SSBP3: variants seen among roughly 807,000 people sequenced by gnomAD.
SSBP3 encodes the protein single stranded DNA binding protein 3, also known as single-stranded DNA-binding protein 3.
In SSBP3, 5 loss-of-function variants were observed where a neutral mutation model predicts 69.6. That is an observed-to-expected ratio of 0.07 (90% confidence interval 0.04 to 0.15). SSBP3 has a LOEUF of 0.15. Among genes scored for constraint, SSBP3 ranks in the 10% least tolerant of loss-of-function variants. The pLI is 1.00. For synonymous variants in SSBP3, 196 were observed against 193.4 expected (o/e 1.01, Z -0.11); for missense variants, 312 against 534.0 (o/e 0.58, Z 4.10).
At chr1:54,307,345 C>G (rs1334687064) in intron 4 of SSBP3, among the ~76,000 whole-genome samples, 1 of 152,188 alleles carries the variant, frequency 6.6e-6, no homozygotes, top group Non-Finnish European at 1.5e-5. Context: ...CACTCCCAGG[C>G]ACCCCCTGAT....
intron 3 of SSBP3, among the ~76,000 whole-genome samples, chr1:54,402,833 G>C (rs1384726230): frequency 6.6e-6 from 1 of 152,156 alleles, no homozygotes; most frequent in Non-Finnish European, 1.5e-5. Context: ...TTCAAACACG[G>C]AGTTGTCAGT....
chr1:54,228,438 T>G lies in SSBP3; in HGVS notation c.1035+11A>C. 1 of 1,614,136 alleles carries G rather than the reference T, an allele frequency of 6.2e-7. No individual in the cohort carries two copies. The highest frequency in any genetic ancestry group is 1.7e-5 in the Admixed American group (1 of 60,026). ...ATGGGGCGCCGCCAGGGAGACCGAG[T>G]GCACACTCACTTTTGGAAGTCCGTC... On this transcript the variant is annotated intron_variant, in intron 16 of 17. Transcript: ENST00000610401.
intron 9 of SSBP3, among the ~76,000 whole-genome samples, chr1:54,251,240 C>A (rs1177226065): frequency 1.3e-5 from 2 of 152,126 alleles, no homozygotes; most frequent in Admixed American, 6.5e-5. Context: ...CGATGGTGGC[C>A]CTAAGCCATC....
chr1:54,265,439 C>A (rs1645084761), intron 5 of SSBP3, among the ~76,000 whole-genome samples: 1 of 152,182 alleles, frequency 6.6e-6, no homozygotes, highest in Non-Finnish European at 1.5e-5. Flanking sequence ...GGGCCTGGCA[C>A]ATGCACGGTA....
intron 4 of SSBP3, among the ~76,000 whole-genome samples, chr1:54,377,026 G>C (rs187097512): frequency 3.8e-4 from 58 of 152,286 alleles, no homozygotes; most frequent in Admixed American, 3.8e-3. Context: ...GAATGAGAGA[G>C]AGGTAAGGCC....
At chr1:54,303,949 A>T (rs1645849750) in intron 4 of SSBP3, among the ~76,000 whole-genome samples, 1 of 152,206 alleles carries the variant, frequency 6.6e-6, no homozygotes, top group Admixed American at 6.5e-5. Context: ...GGCCCTCAGT[A>T]CATTTCTACC....
At chr1:54,387,053 T>C (rs1648139301) in intron 4 of SSBP3, among the ~76,000 whole-genome samples, 1 of 152,196 alleles carries the variant, frequency 6.6e-6, no homozygotes, top group East Asian at 1.9e-4. Flanking sequence ...TTCCATGAAG[T>C]AAGAACATCC....
In SSBP3 at chr1:54,405,056, T is replaced by G. The variant is rs1399432796; in HGVS notation, c.57-126A>C. ...GTCCCATTGTGGCCCCGACCAGAGG[T>G]AAGCAGCTAGCTCACCCCAAACAGG... is the stretch of plus-strand genomic sequence containing the variant. On this transcript the variant is annotated intron_variant, in intron 1 of 17. Transcript: ENST00000610401. The G allele has an allele frequency of 4.8e-6, 4 of 834,920 alleles. No individual in the cohort carries two copies. In the East Asian group the frequency reaches 7.9e-5, roughly 17 times the overall value. 51.7% of individuals were successfully genotyped at this position (834,920 alleles called of 1,614,324 possible).
intron 4 of SSBP3, among the ~76,000 whole-genome samples, chr1:54,332,932 G>A (rs535827281): frequency 2.0e-5 from 3 of 152,088 alleles, no homozygotes; most frequent in Non-Finnish European, 2.9e-5. Flanking sequence ...ACACACGCGC[G>A]AGCACACACA....
At chr1:54,351,988 C>T (rs1199443557) in intron 4 of SSBP3, among the ~76,000 whole-genome samples, 2 of 152,156 alleles carry the variant, frequency 1.3e-5, no homozygotes, top group Non-Finnish European at 2.9e-5. Flanking sequence ...GCATGGAAGG[C>T]AAAACACATG....
At chr1:54,382,965 A>G (rs1379560802) in intron 4 of SSBP3, among the ~76,000 whole-genome samples, 3 of 145,776 alleles carry the variant, frequency 2.1e-5, no homozygotes. Flanking sequence ...AGCCTGGGCA[A>G]CAAGAGCGAA....
At chr1:54,240,089 C>CGCGCGCGCGTGTGTGTGTGT (rs1644592173) in intron 13 of SSBP3, among the ~76,000 whole-genome samples, 1 of 42,014 alleles carries the variant, frequency 2.4e-5, no homozygotes, top group South Asian at 1.2e-3. Context: ...TGTGTGTGTG[C>CGCGCGCGCGTGTGTGTGTGT]GCGCGCGCGC....
At chr1:54,368,621 C>G (rs572981310) in intron 4 of SSBP3, among the ~76,000 whole-genome samples, 1 of 152,246 alleles carries the variant, frequency 6.6e-6, no homozygotes, top group Admixed American at 6.5e-5. Context: ...CCATCTACTC[C>G]ACTTCTGAGA....
chr1:54,351,025 G>A lies in SSBP3; in HGVS notation c.276+50836C>T, dbSNP rs144510657. On this transcript the variant is annotated intron_variant, in intron 4 of 17. Transcript: ENST00000610401. ...TATTTTTTGTAGAGATGGGGGTCTCGCTATGTTGCCCAGGCTGGTCTCGAA... is the reference window on the plus strand; with the variant it reads ...TATTTTTTGTAGAGATGGGGGTCTCACTATGTTGCCCAGGCTGGTCTCGAA... Among the ~76,000 whole-genome samples the A allele has an allele frequency of 1.6e-4, 25 of 152,090 alleles. No individual in the cohort carries two copies. The East Asian group carries it at 3.9e-3, about 24-fold the overall frequency.
At chr1:54,286,116 T>C (rs74418276) in intron 4 of SSBP3, among the ~76,000 whole-genome samples, 1 of 152,112 alleles carries the variant, frequency 6.6e-6, no homozygotes, top group Non-Finnish European at 1.5e-5. Context: ...CATTTTGTGA[T>C]CAAAGATTAA....
At chr1:54,294,456 AC>A (rs770481112) in intron 4 of SSBP3, among the ~76,000 whole-genome samples, 4 of 151,824 alleles carry the variant, frequency 2.6e-5, no homozygotes, top group Non-Finnish European at 4.4e-5. Flanking sequence ...CCCTTGTATC[AC>A]CCCCTCCCAA....
intron 3 of SSBP3, among the ~76,000 whole-genome samples, chr1:54,402,399 G>C (rs889819337): frequency 6.6e-6 from 1 of 152,110 alleles, no homozygotes; most frequent in South Asian, 2.1e-4. Context: ...CCTAAAAAAG[G>C]TTCAAGTGCC....
chr1:54,287,672 C>T (rs1441629356), intron 4 of SSBP3, among the ~76,000 whole-genome samples: 1 of 151,880 alleles, frequency 6.6e-6, no homozygotes, highest in Non-Finnish European at 1.5e-5. Flanking sequence ...CCAGGTTTCC[C>T]AGAGGGAATT....
chr1:54,294,028 T>G (rs111268876), intron 4 of SSBP3, among the ~76,000 whole-genome samples: 2,863 of 148,640 alleles, frequency 0.019, 100 homozygotes, highest in African/African-American at 0.068. Flanking sequence ...TAATCCCAGC[T>G]ACTCGGGAGG....
Sources: allele counts gnomAD v4.1 joint callset (sites outside exome capture counted in the v4.1 genomes callset), GRCh38; gene constraint gnomAD v4.1.1; transcripts MANE v1.5; gene names NCBI Gene and HGNC (gene_info 2026-07-23, HGNC 2026-07-21).